The following CTNND2 variants were observed in gnomAD, a reference collection of about 807,000 sequenced individuals.
CTNND2 encodes catenin delta 2, also known as catenin delta-2.
In CTNND2, 22 loss-of-function variants were observed where a neutral mutation model predicts 144.4. That is an observed-to-expected ratio of 0.15 (90% CI 0.11 to 0.22). The LOEUF (loss-of-function observed/expected upper bound fraction) is 0.22, where lower values mean the gene tolerates loss of function less well. Among genes scored for constraint, CTNND2 ranks in the 10% least tolerant of loss-of-function variants. CTNND2 has a pLI of 1.00. For missense variants in CTNND2, 1,353 were observed against 1,618.8 expected (o/e 0.84, Z 2.82); for synonymous variants, 751 against 695.6 (o/e 1.08, Z -1.25).
intron 1 of CTNND2, among the ~76,000 whole-genome samples, chr5:11,763,980 T>C (rs1789432059): frequency 6.6e-6 from 1 of 151,898 alleles, no homozygotes; most frequent in Non-Finnish European, 1.5e-5. Flanking sequence ...TAAATGGCAA[T>C]GAAAATTAGG....
rs80291235 is a variant in CTNND2 at position 11,063,069 on chromosome 5, T to A, written c.2788+19627A>T. ...CAGTTAACAGATCATTAAAAATAAC[T>A]TGATGACGGATCCCAATGAGATATT... is the stretch of plus-strand genomic sequence containing the variant. On this transcript the variant is annotated intron_variant, in intron 16 of 21. Transcript: ENST00000304623. Among the ~76,000 whole-genome samples, 509 of 152,300 alleles carry A rather than the reference T, an allele frequency of 3.3e-3. 11 individuals are homozygous for A. The highest frequency in any genetic ancestry group is 0.026 in the East Asian group (135 of 5,184).
chr5:11,115,598 G>A (rs981904697), intron 13 of CTNND2, among the ~76,000 whole-genome samples: 4 of 152,158 alleles, frequency 2.6e-5, no homozygotes, highest in Non-Finnish European at 2.9e-5. Context: ...TTTTCCTGTC[G>A]ATGATACTAA....
chr5:11,595,904 C>A (rs1396171449), intron 2 of CTNND2, among the ~76,000 whole-genome samples: 1 of 152,152 alleles, frequency 6.6e-6, no homozygotes, highest in Non-Finnish European at 1.5e-5. Flanking sequence ...GCACCACTGC[C>A]TCCTAAAATG....
chr5:11,831,162 C>T (rs1793878752), intron 1 of CTNND2, among the ~76,000 whole-genome samples: 1 of 150,902 alleles, frequency 6.6e-6, no homozygotes, highest in African/African-American at 2.4e-5. Context: ...AATAAAAATT[C>T]CGGCATATAT....
chr5:11,790,011 G>A (rs1037508907), intron 1 of CTNND2, among the ~76,000 whole-genome samples: 1 of 152,100 alleles, frequency 6.6e-6, no homozygotes, highest in East Asian at 1.9e-4. Context: ...TTTCATTCAT[G>A]AGTTTTCTAA....
chr5:11,008,070 G>A (rs188514395), intron 18 of CTNND2, among the ~76,000 whole-genome samples: 29 of 152,206 alleles, frequency 1.9e-4, no homozygotes, highest in Admixed American at 2.6e-4. Flanking sequence ...CACTCCAGAG[G>A]TGGTGAGCAT....
chr5:11,000,308 G>A (rs2149512069), intron 18 of CTNND2, among the ~76,000 whole-genome samples: 2 of 152,286 alleles, frequency 1.3e-5, no homozygotes, highest in South Asian at 4.1e-4. Context: ...AGATCATGAG[G>A]TCAGGAGTTT....
chr5:11,511,235 C>A (rs1398337434), intron 3 of CTNND2, among the ~76,000 whole-genome samples: 1 of 152,182 alleles, frequency 6.6e-6, no homozygotes, highest in African/African-American at 2.4e-5. Flanking sequence ...GAAAAAATAT[C>A]TAACATTTAA....
chr5:11,815,566 T>C lies in CTNND2; in HGVS notation c.38-83294A>G, dbSNP rs548899765. 7.9e-5 allele frequency among the ~76,000 whole-genome samples: 12 copies of C among 152,300 alleles called. No homozygotes were observed. The South Asian group carries it at 2.3e-3, about 29-fold the overall frequency. ...GATTATAATCCCAAGGGGTTTTTTT[T>C]CTATATAATTCTATTAAGTAGTAAC... On this transcript the variant is annotated intron_variant, in intron 1 of 21. Coordinates refer to ENST00000304623, the MANE Select transcript of CTNND2 (RefSeq NM_001332.4).
At chr5:11,501,022 CTTG>C (rs200401516) in intron 3 of CTNND2, among the ~76,000 whole-genome samples, 46 of 151,814 alleles carry the variant, frequency 3.0e-4, no homozygotes, top group African/African-American at 1.0e-3. Context: ...ATTGAATTTT[CTTG>C]TTGTTTAACT....
intron 3 of CTNND2, among the ~76,000 whole-genome samples, chr5:11,437,910 G>T (rs189678839): frequency 1.3e-5 from 2 of 152,320 alleles, no homozygotes; most frequent in Non-Finnish European, 2.9e-5. Flanking sequence ...AAGCTCAGGG[G>T]TGGCTAGGCC....
chr5:11,598,206 A>G (rs1473050821), intron 2 of CTNND2, among the ~76,000 whole-genome samples: 2 of 152,172 alleles, frequency 1.3e-5, no homozygotes, highest in African/African-American at 4.8e-5. Flanking sequence ...CCTATCTATA[A>G]TCATTTATAG....
rs147260372 is a variant in CTNND2 at position 11,869,177 on chromosome 5, A to G, written c.37+34640T>C. Among the ~76,000 whole-genome samples the G allele has an allele frequency of 9.1e-3, 1,380 of 152,278 alleles. 11 individuals are homozygous for G. The highest frequency in any genetic ancestry group is 0.017 in the Middle Eastern group (5 of 294). ...TGAAATGGTACAGTCTATTCACTCA[A>G]AACAGGTAAACACAGAATTGCCATA... On this transcript the variant is annotated intron_variant, in intron 1 of 21. Coordinates refer to ENST00000304623, the MANE Select transcript of CTNND2 (RefSeq NM_001332.4).
chr5:11,487,457 CA>C (rs1768938785), intron 3 of CTNND2, among the ~76,000 whole-genome samples: 1 of 151,768 alleles, frequency 6.6e-6, no homozygotes, highest in African/African-American at 2.4e-5. Context: ...CTTGTAGGGG[CA>C]AAAAATATTA....
chr5:11,542,009 T>C (rs1037428439), intron 3 of CTNND2, among the ~76,000 whole-genome samples: 5 of 151,864 alleles, frequency 3.3e-5, no homozygotes, highest in Non-Finnish European at 7.4e-5. Context: ...AAAAAAACTA[T>C]TTTTGTCCCC....
At chr5:11,654,473 A>ATT (rs376561110) in intron 2 of CTNND2, among the ~76,000 whole-genome samples, 1 of 151,508 alleles carries the variant, frequency 6.6e-6, no homozygotes, top group African/African-American at 2.4e-5. Flanking sequence ...AAGCATTTTT[A>ATT]TTTTTTTTGA....
At chr5:11,639,961 C>G (rs145124251) in intron 2 of CTNND2, among the ~76,000 whole-genome samples, 2 of 152,258 alleles carry the variant, frequency 1.3e-5, no homozygotes, top group East Asian at 3.9e-4. Context: ...AAACCTTTCT[C>G]AAGTGTTAAC....
chr5:11,582,009 C>G (rs1429513951), intron 2 of CTNND2, among the ~76,000 whole-genome samples: 1 of 152,152 alleles, frequency 6.6e-6, no homozygotes, highest in African/African-American at 2.4e-5. Context: ...ACTCAGAAGA[C>G]TTTTACTGAC....
intron 3 of CTNND2, among the ~76,000 whole-genome samples, chr5:11,462,548 A>ATT (rs5865942): frequency 2.0e-5 from 3 of 149,662 alleles, no homozygotes; most frequent in African/African-American, 4.9e-5. Flanking sequence ...GAAAGATTCT[A>ATT]TTTTTTTTTT....
Sources: gnomAD v4.1 joint callset for allele counts (sites outside exome capture counted in the v4.1 genomes callset) on GRCh38, gnomAD v4.1.1 for gene constraint, MANE v1.5 for transcripts, NCBI Gene and HGNC (gene_info 2026-07-23, HGNC 2026-07-21) for gene names.